SCNN1A: variants seen among roughly 807,000 people sequenced by gnomAD.
The protein encoded by SCNN1A is sodium channel epithelial 1 subunit alpha, also known as epithelial sodium channel subunit alpha.
SCNN1A carries 65 observed loss-of-function variants against 68.6 expected under a neutral mutation model. The ratio of observed to expected loss-of-function variants is 0.95; its 90% CI spans 0.78 to 1.16. The LOEUF (loss-of-function observed/expected upper bound fraction) is 1.16. Ranked by LOEUF, SCNN1A falls within the 50% of genes most tolerant of loss-of-function variation. The probability of loss-of-function intolerance (pLI) is 0.00; values close to 1 mark genes in which losing one functional copy is unlikely to be tolerated. For missense variants in SCNN1A, 880 were observed against 865.9 expected (o/e 1.02, Z -0.20); for synonymous variants, 357 against 353.3 (o/e 1.01, Z -0.12).
rs1186264772 is a variant in SCNN1A, at chr12:6,347,902, A to G, written c.1981T>C (p.Ser661Pro). Residue 661 changes from serine (S) to proline (P), a missense_variant, in exon 13 of 13, where the codon TCC (serine) becomes CCC (proline). By Grantham distance (74) the Ser-to-Pro change is moderately conservative. Coordinates refer to ENST00000228916, the MANE Select transcript of SCNN1A (RefSeq NM_001038.6). ...PSPGGSAGAS[S>P]STCPLGGP is the part of the protein sequence containing the mutation. ...GGCCCCCCCAGAGGACAGGTGGAGG[A>G]ACTGGCCCCTGCAGAGCCCCCTGGA... The G allele has an allele frequency of 6.3e-7, 1 of 1,598,600 alleles. No homozygotes were observed. Among genetic ancestry groups the G allele is most frequent in the Non-Finnish European group, 8.5e-7 (1 of 1,172,640 alleles).
chr12:6,351,396 C>T lies in SCNN1A; in HGVS notation c.1361-1991G>A, dbSNP rs766976757. ...CCCAGCACTTGGGGGCTGAGGTGGGCGGATCACCTGAGGTCAGGAGTTTGA... is the reference window on the plus strand; with the variant it reads ...CCCAGCACTTGGGGGCTGAGGTGGGTGGATCACCTGAGGTCAGGAGTTTGA... On this transcript the variant is annotated intron_variant, in intron 8 of 12. Coordinates refer to ENST00000228916, the MANE Select transcript of SCNN1A (RefSeq NM_001038.6). This position sits in a 1 kb window ranked among gnomAD's most constrained non-coding sequence, Gnocchi z 4.2. Among the ~76,000 whole-genome samples the T allele has an allele frequency of 5.9e-5, 9 of 152,052 alleles. No individual in the cohort carries two copies. Among genetic ancestry groups the T allele is most frequent in the Non-Finnish European group, 1.2e-4 (8 of 68,000 alleles).
Position 6,354,571 on chromosome 12 carries a change from G to T in SCNN1A, c.1243-16C>A. ...GAATACACACCTGGAAGGGAGGAGG[G>T]TGGAGAGGAGAGGGGGTTCAGGCCT... On this transcript the variant is annotated splice_polypyrimidine_tract_variant and intron_variant, in intron 7 of 12. Coordinates refer to ENST00000228916, the MANE Select transcript of SCNN1A (RefSeq NM_001038.6). The T allele has an allele frequency of 1.3e-6, 2 of 1,585,784 alleles. No homozygotes were observed. Among genetic ancestry groups the T allele is most frequent in the Non-Finnish European group, 1.7e-6 (2 of 1,154,338 alleles).
Position 6,375,227 on chromosome 12 carries a change from CTTTGGGTCTCTCCTGCTCTCCTCTTTCT to C in SCNN1A, c.-55+250_-55+277del, listed in dbSNP as rs1948883079. On this transcript the variant is annotated intron_variant, in intron 1 of 12. Transcript: ENST00000228916. ...CCCTCTCTATCTGCCTTCTGTTTCT[CTTTGGGTCTCTCCTGCTCTCCTCTTTCT>C]GGCCTGCCTCCTCTCTCTAATCCTG... The C allele has an allele frequency of 3.5e-6, 5 of 1,441,686 alleles. No homozygotes were observed. In the Admixed American group the frequency reaches 1.4e-4, roughly 40 times the overall value. The allele number at this position is 1,441,686 out of a possible 1,614,324, so 89.3% of individuals were successfully genotyped here.
chr12:6,369,561 G>A (rs1055517812), intron 2 of SCNN1A, among the ~76,000 whole-genome samples: 29 of 152,122 alleles, frequency 1.9e-4, no homozygotes, highest in Non-Finnish European at 3.1e-4. Flanking sequence ...GGCCGGGCGC[G>A]GTGGCTCACG....
chr12:6,372,674 GC>G lies in SCNN1A; in HGVS notation c.416+1693del, dbSNP rs998847576. On this transcript the variant is annotated intron_variant, in intron 2 of 12. Coordinates refer to ENST00000228916, the MANE Select transcript of SCNN1A (RefSeq NM_001038.6). The surrounding 1 kb of genome is among the most constrained non-coding windows in gnomAD (Gnocchi z 5.8). ...CACAAATATTTATTGAGTGCCCACTGCCCCGCCTGCTGTCCTTCCCCTTCCT... is the reference window on the plus strand; with the variant it reads ...CACAAATATTTATTGAGTGCCCACTGCCCGCCTGCTGTCCTTCCCCTTCCT... Among the ~76,000 whole-genome samples the G allele has an allele frequency of 3.3e-5, 5 of 152,164 alleles. No individual in the cohort carries two copies. The highest frequency in any genetic ancestry group is 7.3e-5 in the Non-Finnish European group (5 of 68,038).
intron 8 of SCNN1A, among the ~76,000 whole-genome samples, chr12:6,352,621 G>A (rs1481185653): frequency 6.6e-6 from 1 of 152,350 alleles, no homozygotes; most frequent in South Asian, 2.1e-4. Context: ...TATACCCTGG[G>A]ACGTGTCACA....
upstream of SCNN1A, chr12:6,375,848 A>G: frequency 7.5e-7 from 1 of 1,326,498 alleles, no homozygotes; most frequent in Non-Finnish European, 9.6e-7. Context: ...AGCCAGGCTG[A>G]GAGGGCCTGG....
At chr12:6,362,393 G>A (rs1462792564) in intron 3 of SCNN1A, 152 bp from the exon 4 acceptor site, 1 of 746,398 alleles carries the variant, frequency 1.3e-6, no homozygotes, top group Non-Finnish European at 2.4e-6. Flanking sequence ...TGGAAGAGAA[G>A]CAGAAGTCCC....
At chr12:6,354,117 G>C (rs958660306) in intron 8 of SCNN1A, among the ~76,000 whole-genome samples, 6 of 151,948 alleles carry the variant, frequency 3.9e-5, no homozygotes, top group African/African-American at 1.4e-4. Context: ...TGTAGTCCCA[G>C]CTATTCAGGA....
At chr12:6,368,263 C>T (rs537225031) in intron 2 of SCNN1A, among the ~76,000 whole-genome samples, 4 of 152,094 alleles carry the variant, frequency 2.6e-5, no homozygotes, top group Non-Finnish European at 4.4e-5. Flanking sequence ...CTGCATGATT[C>T]GATAATATTC....
At chr12:6,375,955 A>T, upstream of SCNN1A, 1 of 1,003,584 alleles carries the variant, frequency 1.0e-6, no homozygotes, top group Non-Finnish European at 1.2e-6. Context: ...GCACTGAGTG[A>T]GTAGAGGCAG....
chr12:6,357,215 G>C (rs982982448), intron 4 of SCNN1A, among the ~76,000 whole-genome samples: 3 of 152,160 alleles, frequency 2.0e-5, no homozygotes, highest in Admixed American at 2.0e-4. Context: ...TGCCCCCATG[G>C]AAAGCAGGCA....
chr12:6,366,001 C>T (rs910069586), intron 2 of SCNN1A, among the ~76,000 whole-genome samples: 3 of 152,178 alleles, frequency 2.0e-5, no homozygotes, highest in Admixed American at 1.3e-4. Flanking sequence ...ACTACAGGTG[C>T]GTGCCACCAC....
In SCNN1A at chr12:6,347,730, ACC is replaced by A. The variant is rs1948281833; in HGVS notation, c.*141_*142del. 5.1e-5 allele frequency: 37 copies of A among 723,800 alleles called. 1 individual carries two copies. Among genetic ancestry groups the A allele is most frequent in the Middle Eastern group, 7.4e-4 (2 of 2,702 alleles). The allele number at this position is 723,800 out of a possible 1,614,324, so 44.8% of individuals were successfully genotyped here. A position where few individuals can be genotyped will look rare whatever the true frequency, so the allele number is the denominator to read the frequency against. On this transcript the variant is annotated 3_prime_UTR_variant, in exon 13 of 13. Transcript: ENST00000228916. ...TCTTGGAGCAACTTCCTGAGCCCTT[ACC>A]CATCTTGCTTCCCCTCCACACATCA...
At chr12:6,358,345 G>C (rs530587392) in intron 4 of SCNN1A, among the ~76,000 whole-genome samples, 9 of 152,298 alleles carry the variant, frequency 5.9e-5, no homozygotes, top group East Asian at 1.9e-4. Flanking sequence ...ATGTTAAATG[G>C]TGTGACCATT....
At chr12:6,348,311 G>A in intron 12 of SCNN1A, 58 bp from the exon 13 acceptor site, 2 of 1,611,998 alleles carry the variant, frequency 1.2e-6, no homozygotes, top group Non-Finnish European at 1.7e-6. Flanking sequence ...GACTCTGGCA[G>A]AGGAGCCCCC....
At position 6,354,776 on chromosome 12, in the gene SCNN1A, G is replaced by C; in HGVS notation, c.1216C>G (p.Leu406Val). The C allele has an allele frequency of 6.2e-7, 1 of 1,613,934 alleles. No individual in the cohort carries two copies. Among genetic ancestry groups the C allele is most frequent in the Non-Finnish European group, 8.5e-7 (1 of 1,179,954 alleles). ...KNGSDVPVEN[L>V]YPSKYTQQVC... Reference sequence around the variant, plus strand: ...TGCTGTGTGTACTTTGAAGGGTAAAGGTTCTCAACAGGAACATCACTGCCA... The same window carrying C: ...TGCTGTGTGTACTTTGAAGGGTAAACGTTCTCAACAGGAACATCACTGCCA... Residue 406 changes from leucine to valine, a missense_variant, in exon 7 of 13, where the codon CTT becomes GTT. Physicochemically the swap from Leu to Val is conservative, Grantham distance 32. Around this residue, in one of 3 missense-constraint regions of SCNN1A, gnomAD observed 758 missense variants for 721.8 expected, o/e 1.05. Transcript: ENST00000228916.
Position 6,348,789 on chromosome 12 carries a change from T to G in SCNN1A, c.1567A>C (p.Lys523Gln), listed in dbSNP as rs777311526. 1 of 1,613,888 alleles carries G rather than the reference T, an allele frequency of 6.2e-7. No homozygotes were observed. The highest frequency in any genetic ancestry group is 1.7e-5 in the Admixed American group (1 of 59,988). Residue 523 changes from lysine to glutamine, a missense_variant, in exon 12 of 13, where the codon AAA (lysine) becomes CAA (glutamine). This residue lies in a region of SCNN1A where 758 missense variants were observed against 721.8 expected (regional missense o/e 1.05). Coordinates refer to ENST00000228916, the MANE Select transcript of SCNN1A (RefSeq NM_001038.6). ...AGCTCCTTGAAGAAGATGTTGACTTTGGCCACTCCATTTCTTAGGTGTGGG... is the reference window on the plus strand; with the variant it reads ...AGCTCCTTGAAGAAGATGTTGACTTGGGCCACTCCATTTCTTAGGTGTGGG... Reference protein sequence around the residue: ...TVNNKRNGVAKVNIFFKELNY... With the variant: ...TVNNKRNGVAQVNIFFKELNY...
intron 1 of SCNN1A, chr12:6,375,097 T>G: frequency 2.0e-6 from 3 of 1,511,514 alleles, no homozygotes; most frequent in Non-Finnish European, 2.6e-6. Flanking sequence ...GCTTCCCTGA[T>G]AGGGCCACCT....
Sources: gnomAD v4.1 joint callset for allele counts (sites outside exome capture counted in the v4.1 genomes callset) on GRCh38, gnomAD v4.1.1 for gene constraint, gnomAD v4.1.1 regional missense constraint, Gnocchi (gnomAD v3.1) non-coding constraint, MANE v1.5 for transcripts, NCBI Gene and HGNC (gene_info 2026-07-23, HGNC 2026-07-21) for gene names.